Variants in SLC8A1 observed in about 807,000 individuals in gnomAD.
The protein encoded by SLC8A1 is solute carrier family 8 member A1, also known as sodium/calcium exchanger 1.
SLC8A1 carries 18 observed loss-of-function variants against 68.3 expected under a neutral mutation model. That is an observed-to-expected ratio of 0.26 (90% CI 0.18 to 0.39). The LOEUF is 0.39. Among genes scored for constraint, SLC8A1 ranks in the 10% least tolerant of loss-of-function variants. The pLI, the probability that SLC8A1 is intolerant of heterozygous loss-of-function variation, is 1.00. For synonymous variants in SLC8A1, 475 were observed against 415.5 expected (o/e 1.14, Z -1.74); for missense variants, 985 against 1,156.7 (o/e 0.85, Z 2.15).
chr2:40,492,151 G>C (rs1705356757), intron 1 of SLC8A1, among the ~76,000 whole-genome samples: 1 of 152,014 alleles, frequency 6.6e-6, no homozygotes, highest in Non-Finnish European at 1.5e-5. Flanking sequence ...CAGAGATATA[G>C]ATCAATGGAA....
chr2:40,236,827 C>T (rs955861705), intron 2 of SLC8A1, among the ~76,000 whole-genome samples: 1 of 150,396 alleles, frequency 6.6e-6, no homozygotes, highest in African/African-American at 2.4e-5. Flanking sequence ...ATTTGCTTGT[C>T]TGTAAAGTAT....
intron 1 of SLC8A1, among the ~76,000 whole-genome samples, chr2:40,469,701 G>C (rs1400828846): frequency 6.6e-6 from 1 of 151,790 alleles, no homozygotes; most frequent in African/African-American, 2.4e-5. Context: ...TCTTTTCATG[G>C]ATTTCTCTGT....
exon 2 of SLC8A1, chr2:40,430,113 C>T (rs1697912123): frequency 6.2e-7 from 1 of 1,613,884 alleles, no homozygotes; most frequent in Non-Finnish European, 8.5e-7. Context: ...TCACCCCTTT[C>T]TTACAGTAAT....
At chr2:40,386,960 C>T (rs1167871418) in intron 2 of SLC8A1, among the ~76,000 whole-genome samples, 1 of 151,254 alleles carries the variant, frequency 6.6e-6, no homozygotes, top group Non-Finnish European at 1.5e-5. Context: ...TTAAACTCTC[C>T]AATGGTGTAC....
intron 2 of SLC8A1, among the ~76,000 whole-genome samples, chr2:40,379,599 G>C (rs945069704): frequency 6.6e-6 from 1 of 151,428 alleles, no homozygotes; most frequent in Non-Finnish European, 1.5e-5. Context: ...CCATTTCACT[G>C]AATCTCATTC....
intron 2 of SLC8A1, among the ~76,000 whole-genome samples, chr2:40,396,355 A>C (rs1686888561): frequency 6.6e-6 from 1 of 152,132 alleles, no homozygotes; most frequent in South Asian, 2.1e-4. Context: ...ATGAATCTCT[A>C]CGGTTACATG....
chr2:40,464,526 T>C (rs1326789443), intron 1 of SLC8A1, among the ~76,000 whole-genome samples: 4 of 152,226 alleles, frequency 2.6e-5, no homozygotes, highest in East Asian at 1.9e-4. Context: ...GCTTTAAAGA[T>C]TGTAAGAAGG....
intron 2 of SLC8A1, among the ~76,000 whole-genome samples, chr2:40,274,323 A>C (rs1278781548): frequency 6.6e-6 from 1 of 151,700 alleles, no homozygotes; most frequent in Admixed American, 6.6e-5. Context: ...TAAACACATA[A>C]TTTCTGGGAT....
chr2:40,237,213 T>G (rs116311033), intron 2 of SLC8A1, among the ~76,000 whole-genome samples: 2,162 of 152,298 alleles, frequency 0.014, 59 homozygotes, highest in African/African-American at 0.049. Context: ...CCAACTTGGT[T>G]CCATTGTCCC....
chr2:40,120,413 A>C (rs1015495557), intron 7 of SLC8A1, among the ~76,000 whole-genome samples: 6 of 152,206 alleles, frequency 3.9e-5, no homozygotes, highest in Non-Finnish European at 7.3e-5. Flanking sequence ...AAGAAGCCTC[A>C]TCAAAGAGAC....
At chr2:40,348,466 C>A (rs1217124674) in intron 2 of SLC8A1, among the ~76,000 whole-genome samples, 1 of 152,104 alleles carries the variant, frequency 6.6e-6, no homozygotes, top group African/African-American at 2.4e-5. Context: ...AATAAAAAAG[C>A]TTTTTTTCTG....
At chr2:40,421,324 C>T (rs1203071939) in intron 2 of SLC8A1, among the ~76,000 whole-genome samples, 1 of 152,080 alleles carries the variant, frequency 6.6e-6, no homozygotes, top group Non-Finnish European at 1.5e-5. Context: ...CTGAAAGGCA[C>T]AAAGCTGGTA....
chr2:40,324,020 G>C (rs891881679), intron 2 of SLC8A1, among the ~76,000 whole-genome samples: 1 of 149,334 alleles, frequency 6.7e-6, no homozygotes, highest in East Asian at 2.0e-4. Flanking sequence ...TGCTTAGCAA[G>C]TTAAAGGTGG....
intron 2 of SLC8A1, among the ~76,000 whole-genome samples, chr2:40,264,893 C>G (rs1301022871): frequency 6.6e-6 from 1 of 152,098 alleles, no homozygotes; most frequent in Non-Finnish European, 1.5e-5. Flanking sequence ...TTAATTATAG[C>G]AACACCCAGA....
At chr2:40,467,432 A>G (rs929013210) in intron 1 of SLC8A1, among the ~76,000 whole-genome samples, 3 of 152,206 alleles carry the variant, frequency 2.0e-5, no homozygotes, top group Non-Finnish European at 2.9e-5. Flanking sequence ...ACTGCTATTC[A>G]GTACAGATGG....
chr2:40,147,680 A>AT (rs1248809359), intron 6 of SLC8A1, among the ~76,000 whole-genome samples: 2 of 152,130 alleles, frequency 1.3e-5, no homozygotes, highest in Non-Finnish European at 2.9e-5. Context: ...TAACCCTATA[A>AT]TTTTTAACAG....
chr2:40,186,376 C>T (rs910800146), intron 2 of SLC8A1, among the ~76,000 whole-genome samples: 17 of 151,822 alleles, frequency 1.1e-4, no homozygotes, highest in African/African-American at 3.6e-4. Context: ...TTTTTCCTTT[C>T]AAAAGTTGAT....
intron 6 of SLC8A1, among the ~76,000 whole-genome samples, 197 bp downstream of exon 9, chr2:40,160,568 T>C (rs908590355): frequency 2.6e-5 from 4 of 152,202 alleles, no homozygotes; most frequent in Admixed American, 6.5e-5. Context: ...GAAAATGTCA[T>C]GTGTGAAGAC....
At position 40,223,453 on chromosome 2, in the gene SLC8A1, C is replaced by T. The variant is rs112225837; in HGVS notation, c.1809-45598G>A. On this transcript the variant is annotated intron_variant, in intron 2 of 7. Transcript: ENST00000406785. ...ATGGGTACAGCAAACCGTCATGGCA[C>T]GTGTATTCCTATGTAATGAACTTGC... is the stretch of plus-strand genomic sequence containing the variant. Among the ~76,000 whole-genome samples, 1,034 of 152,092 alleles carry T rather than the reference C, an allele frequency of 6.8e-3. 2 individuals carry two copies. Among genetic ancestry groups the T allele is most frequent in the Middle Eastern group, 0.054 (16 of 294 alleles).
Sources: gnomAD v4.1 joint callset for allele counts (sites outside exome capture counted in the v4.1 genomes callset) on GRCh38, gnomAD v4.1.1 for gene constraint, MANE v1.5 for transcripts, NCBI Gene and HGNC (gene_info 2026-07-23, HGNC 2026-07-21) for gene names.